Variants in KCNE1 observed in about 807,000 individuals in gnomAD.
The protein encoded by KCNE1 is potassium voltage-gated channel subfamily E member 1.
Under a neutral mutation model 2.9 loss-of-function variants are expected in KCNE1, and 1 was observed. The observed-to-expected ratio is 0.34, with a 90% confidence interval of 0.12 to 1.62. KCNE1 has a LOEUF of 1.62. KCNE1 is among the 40% of genes most tolerant of loss of function. KCNE1 has a pLI of 0.36. For missense variants in KCNE1, 45 were observed against 150.5 expected (o/e 0.30, Z 3.67); for synonymous variants, 23 against 65.4 (o/e 0.35, Z 3.13).
At chr21:34,508,120 G>C (rs2123531387) in intron 2 of KCNE1, among the ~76,000 whole-genome samples, 1 of 151,806 alleles carries the variant, frequency 6.6e-6, no homozygotes, top group East Asian at 1.9e-4. Flanking sequence ...TCTGCCTCCT[G>C]GGCTCAAGCA....
intron 2 of KCNE1, among the ~76,000 whole-genome samples, chr21:34,508,708 T>C (rs1983653133): frequency 6.6e-6 from 1 of 152,192 alleles, no homozygotes; most frequent in Non-Finnish European, 1.5e-5. Flanking sequence ...GACACAGTCA[T>C]TGGACAGTAT....
intron 2 of KCNE1, among the ~76,000 whole-genome samples, chr21:34,508,083 G>A (rs1277064021): frequency 6.6e-6 from 1 of 151,796 alleles, no homozygotes; most frequent in African/African-American, 2.4e-5. Context: ...CTGGAGTGCA[G>A]TGGTGCAATC....
intron 2 of KCNE1, among the ~76,000 whole-genome samples, chr21:34,507,280 G>C (rs1983553086): frequency 6.6e-6 from 1 of 152,188 alleles, no homozygotes; most frequent in African/African-American, 2.4e-5. Context: ...GGACTTGAGA[G>C]TGGCTGAAGT....
intron 2 of KCNE1, among the ~76,000 whole-genome samples, chr21:34,506,970 C>T (rs41315463): frequency 0.08 from 12,168 of 152,178 alleles, 622 homozygotes; most frequent in African/African-American, 0.14. Context: ...AGGTAGGGGA[C>T]GCATGGCACA....
At chr21:34,497,541 G>A (rs139999738) in intron 2 of KCNE1, among the ~76,000 whole-genome samples, 1,667 of 152,282 alleles carry the variant, frequency 0.011, 53 homozygotes, top group East Asian at 0.1. Flanking sequence ...GGTTTCTGCT[G>A]AGAAATCTGC....
Position 34,448,667 on chromosome 21 carries a change from A to G in KCNE1, c.*578T>C, listed in dbSNP as rs16991703. 6,556 of 46,900 alleles carry G rather than the reference A, an allele frequency of 0.14. 1,335 individuals carry two copies. Among genetic ancestry groups the G allele is most frequent in the African/African-American group, 0.31 (3,886 of 12,434 alleles). 2.9% of individuals were successfully genotyped at this position (46,900 alleles called of 1,614,324 possible). Reference sequence around the variant, plus strand: ...TGATTCTGCGACCTTAACAGAGATCAGAATAACAGTGGCTTAAGGAAGAGT... The same window carrying G: ...TGATTCTGCGACCTTAACAGAGATCGGAATAACAGTGGCTTAAGGAAGAGT... On this transcript the variant is annotated 3_prime_UTR_variant, in exon 4 of 4. Coordinates refer to ENST00000399286, the MANE Select transcript of KCNE1 (RefSeq NM_000219.6).
At chr21:34,509,097 T>C (rs957175669) in intron 2 of KCNE1, among the ~76,000 whole-genome samples, 4 of 152,252 alleles carry the variant, frequency 2.6e-5, no homozygotes, top group African/African-American at 9.6e-5. Flanking sequence ...GGGTCAGAAC[T>C]GCAGGTACGG....
At position 34,451,523 on chromosome 21, in the gene KCNE1, T is replaced by C. The variant is rs1981293617; in HGVS notation, c.-50-1839A>G. On this transcript the variant is annotated intron_variant, in intron 3 of 3. Coordinates refer to ENST00000399286, the MANE Select transcript of KCNE1 (RefSeq NM_000219.6). The stretch of plus-strand genomic sequence containing the variant: ...CCCAGCCAGGATGGGGACTGTGACA[T>C]TGCACATCATCTTGTGTAGGACAAA... Among the ~76,000 whole-genome samples, 4 of 82,838 alleles carry C rather than the reference T, an allele frequency of 4.8e-5. 2 individuals are homozygous for C. The highest frequency in any genetic ancestry group is 9.1e-5 in the Non-Finnish European group (4 of 43,890). The allele number at this position is 82,838 out of a possible 152,430, so 54.3% of individuals were successfully genotyped here. A position where few individuals can be genotyped will look rare whatever the true frequency, so the allele number is the denominator to read the frequency against.
chr21:34,505,794 C>A (rs16991753), intron 2 of KCNE1, among the ~76,000 whole-genome samples: 1 of 152,206 alleles, frequency 6.6e-6, no homozygotes, highest in South Asian at 2.1e-4. Flanking sequence ...GTACAAACAC[C>A]CTTATGCATT....
chr21:34,504,420 A>G (rs990444286), intron 2 of KCNE1, among the ~76,000 whole-genome samples: 2 of 152,228 alleles, frequency 1.3e-5, no homozygotes, highest in African/African-American at 2.4e-5. Context: ...AAGGCTGAGA[A>G]CAAGTATTGG....
intron 2 of KCNE1, among the ~76,000 whole-genome samples, chr21:34,507,340 T>C (rs182163985): frequency 4.7e-4 from 72 of 152,234 alleles, no homozygotes; most frequent in African/African-American, 1.7e-3. Flanking sequence ...CTTGAGTCAC[T>C]GTGTGGACAG....
chr21:34,510,968 G>A, intron 2 of KCNE1, 133 bp downstream of exon 2: 1 of 193,674 alleles, frequency 5.2e-6, no homozygotes, highest in Non-Finnish European at 9.4e-6. Context: ...GCCAGGGTTT[G>A]CCAGGCCCAG....
intron 2 of KCNE1, among the ~76,000 whole-genome samples, chr21:34,496,029 T>C (rs1253740956): frequency 1.3e-5 from 2 of 152,146 alleles, no homozygotes; most frequent in East Asian, 3.9e-4. Context: ...GCTATGAAAT[T>C]TTTCTTAGCA....
intron 2 of KCNE1, among the ~76,000 whole-genome samples, chr21:34,501,982 A>G (rs1156523801): frequency 6.6e-6 from 1 of 152,192 alleles, no homozygotes; most frequent in Non-Finnish European, 1.5e-5. Context: ...GTTGTCACCA[A>G]CCAGTGGGTG....
At chr21:34,505,832 A>T (rs79100931) in intron 2 of KCNE1, among the ~76,000 whole-genome samples, 2,781 of 152,310 alleles carry the variant, frequency 0.018, 89 homozygotes, top group African/African-American at 0.064. Context: ...GCCAGACTAG[A>T]TCCTAAAGAA....
In KCNE1 at chr21:34,449,343, G is replaced by A. The variant is rs199473362; in HGVS notation, c.292C>T (p.Arg98Trp). 4.3e-5 allele frequency: 69 copies of A among 1,588,590 alleles called. No homozygotes were observed. The highest frequency in any genetic ancestry group is 1.2e-4 in the African/African-American group (9 of 72,040). ...CACGACCTGTAGCTCTCCAGGACCC[G>A]GGCCTGGACATAGGCCTTGTCCTTC... ...QEKDKAYVQA[R>W]VLESYRSCYV... The change falls in exon 4 of 4, where the codon CGG (arginine) becomes TGG (tryptophan). Residue 98 changes from arginine (R) to tryptophan (W), a missense_variant. Coordinates refer to ENST00000399286, the MANE Select transcript of KCNE1 (RefSeq NM_000219.6).
chr21:34,509,831 G>A (rs1983730531), intron 2 of KCNE1: 1 of 152,112 alleles, frequency 6.6e-6, no homozygotes, highest in Admixed American at 6.5e-5. Context: ...TGTCATGGGG[G>A]TTTGTTGTAC....
intron 2 of KCNE1, 67 bp downstream of exon 2, chr21:34,511,034 T>TGG (rs1200372986): frequency 9.8e-6 from 5 of 512,350 alleles, no homozygotes; most frequent in Non-Finnish European, 1.2e-5. Flanking sequence ...GATGTCAGGG[T>TGG]GGGCATGAGG....
chr21:34,502,423 A>G (rs1352271806), intron 2 of KCNE1, among the ~76,000 whole-genome samples: 1 of 152,208 alleles, frequency 6.6e-6, no homozygotes, highest in Non-Finnish European at 1.5e-5. Context: ...AAATTCACCC[A>G]GCTTTTTAGT....
Sources: allele counts gnomAD v4.1 joint callset (sites outside exome capture counted in the v4.1 genomes callset), GRCh38; gene constraint gnomAD v4.1.1; transcripts MANE v1.5; gene names NCBI Gene and HGNC (gene_info 2026-07-23, HGNC 2026-07-21).